Variants in OXCT1 observed in about 807,000 individuals in gnomAD.
The protein encoded by OXCT1 is 3-oxoacid CoA-transferase 1.
OXCT1 carries 27 observed loss-of-function variants against 69.6 expected under a neutral mutation model. The ratio of observed to expected loss-of-function variants is 0.39; its 90% CI spans 0.29 to 0.54. OXCT1 has a LOEUF of 0.54. OXCT1 is among the 20% of genes least tolerant of loss of function. The pLI, the probability that OXCT1 is intolerant of heterozygous loss-of-function variation, is 0.72. For synonymous variants in OXCT1, 202 were observed against 217.8 expected, an observed-to-expected ratio of 0.93 and a Z score of 0.64; for missense variants, 437 against 650.2, an observed-to-expected ratio of 0.67 and a Z score of 3.57.
At chr5:41,761,916 C>T (rs1744368820) in intron 14 of OXCT1, among the ~76,000 whole-genome samples, 195 bp downstream of exon 14, 1 of 152,150 alleles carries the variant, frequency 6.6e-6, no homozygotes, top group African/African-American at 2.4e-5. Context: ...TGTTTGGTTT[C>T]ACTCAAAGTT....
chr5:41,744,115 T>C (rs1743344053), intron 15 of OXCT1, among the ~76,000 whole-genome samples: 1 of 152,212 alleles, frequency 6.6e-6, no homozygotes, highest in Non-Finnish European at 1.5e-5. Context: ...CCCATGAGCA[T>C]GGAATGTTCT....
At chr5:41,840,048 G>A (rs980097285) in intron 7 of OXCT1, among the ~76,000 whole-genome samples, 5 of 152,178 alleles carry the variant, frequency 3.3e-5, no homozygotes, top group Non-Finnish European at 4.4e-5. Context: ...AGTTATATGT[G>A]CAATGCTCTT....
intron 7 of OXCT1, among the ~76,000 whole-genome samples, chr5:41,820,961 C>A (rs1167484857): frequency 6.6e-6 from 1 of 152,160 alleles, no homozygotes; most frequent in African/African-American, 2.4e-5. Flanking sequence ...CTAAATTGGG[C>A]ACTCACTGCT....
intron 7 of OXCT1, among the ~76,000 whole-genome samples, chr5:41,837,944 A>AT: frequency 6.6e-6 from 1 of 152,360 alleles, no homozygotes; most frequent in African/African-American, 2.4e-5. Context: ...AATAATGCAC[A>AT]TAAGGAATAC....
At chr5:41,769,359 C>G (rs1364602209) in intron 13 of OXCT1, among the ~76,000 whole-genome samples, 4 of 152,146 alleles carry the variant, frequency 2.6e-5, no homozygotes, top group Middle Eastern at 6.8e-3. Context: ...CACATCTGTT[C>G]TCAAATCTGT....
At chr5:41,779,893 T>C (rs1001486174) in intron 13 of OXCT1, among the ~76,000 whole-genome samples, 8 of 152,102 alleles carry the variant, frequency 5.3e-5, no homozygotes, top group Non-Finnish European at 1.5e-5. Context: ...AAATAAGAAC[T>C]TTCTCAAAGA....
chr5:41,782,218 G>A (rs906536647), intron 13 of OXCT1, among the ~76,000 whole-genome samples: 4 of 149,826 alleles, frequency 2.7e-5, no homozygotes, highest in African/African-American at 9.8e-5. Flanking sequence ...GTGATGTTGA[G>A]CTTTTTTTTT....
At chr5:41,822,999 T>C (rs1195636097) in intron 7 of OXCT1, among the ~76,000 whole-genome samples, 1 of 152,220 alleles carries the variant, frequency 6.6e-6, no homozygotes, top group Non-Finnish European at 1.5e-5. Flanking sequence ...TCTTTATTCT[T>C]TTTGCTCTCC....
intron 7 of OXCT1, among the ~76,000 whole-genome samples, chr5:41,811,004 C>T (rs1746954286): frequency 6.7e-6 from 1 of 149,448 alleles, no homozygotes. Flanking sequence ...ACTTCTTTTG[C>T]CAAAAAGAAA....
Position 41,747,948 on chromosome 5 carries a change from C to A in OXCT1, c.1419+1579G>T, listed in dbSNP as rs867220296. 5.5e-4 allele frequency among the ~76,000 whole-genome samples: 83 copies of A among 152,150 alleles called. No individual in the cohort carries two copies. The Middle Eastern group carries it at 0.01, about 19-fold the overall frequency. On this transcript the variant is annotated intron_variant, in intron 15 of 16. Coordinates refer to ENST00000196371, the MANE Select transcript of OXCT1 (RefSeq NM_000436.4). ...TTTATCATGTCAATTACTCTGACTG[C>A]TGGAAAGGCTGGATGTTTGGTGTCT...
At chr5:41,743,642 G>A (rs1183955887) in intron 15 of OXCT1, among the ~76,000 whole-genome samples, 2 of 152,160 alleles carry the variant, frequency 1.3e-5, no homozygotes, top group African/African-American at 4.8e-5. Context: ...AATCCATCTT[G>A]AATTAATTTT....
At chr5:41,847,831 T>C (rs1287933067) in intron 5 of OXCT1, among the ~76,000 whole-genome samples, 1 of 150,132 alleles carries the variant, frequency 6.7e-6, no homozygotes, top group Non-Finnish European at 1.5e-5. Flanking sequence ...TCATACTGAA[T>C]GGGCAAAAAC....
chr5:41,753,488 A>G (rs1379609078), intron 14 of OXCT1, among the ~76,000 whole-genome samples: 2 of 152,114 alleles, frequency 1.3e-5, no homozygotes, highest in Non-Finnish European at 2.9e-5. Flanking sequence ...TGGAACACAT[A>G]CCACCACATA....
chr5:41,853,223 T>C (rs988965158), intron 4 of OXCT1, among the ~76,000 whole-genome samples, 196 bp downstream of exon 4: 5 of 152,186 alleles, frequency 3.3e-5, no homozygotes, highest in South Asian at 2.1e-4. Flanking sequence ...TTTAGAAATA[T>C]CTCTTTTTTC....
intron 14 of OXCT1, among the ~76,000 whole-genome samples, chr5:41,759,043 C>T (rs1055220553): frequency 2.0e-5 from 3 of 148,608 alleles, no homozygotes; most frequent in Non-Finnish European, 4.4e-5. Context: ...AAACATATTG[C>T]TGATGTAAGT....
At chr5:41,754,901 A>G (rs1416163694) in intron 14 of OXCT1, among the ~76,000 whole-genome samples, 1 of 152,014 alleles carries the variant, frequency 6.6e-6, no homozygotes, top group Non-Finnish European at 1.5e-5. Context: ...TGCCTGAAAA[A>G]CGGTCTTCAG....
chr5:41,753,165 A>T (rs1743879073), intron 14 of OXCT1, among the ~76,000 whole-genome samples: 1 of 152,090 alleles, frequency 6.6e-6, no homozygotes. Flanking sequence ...GATTTCTTGC[A>T]TTTCATGTCA....
intron 13 of OXCT1, among the ~76,000 whole-genome samples, chr5:41,767,843 G>T (rs1744689583): frequency 1.3e-5 from 2 of 150,028 alleles, no homozygotes; most frequent in Non-Finnish European, 3.0e-5. Context: ...CCACTTAGGG[G>T]CTTCTATGGT....
chr5:41,738,152 T>G (rs1236158495), intron 16 of OXCT1, among the ~76,000 whole-genome samples: 1 of 152,256 alleles, frequency 6.6e-6, no homozygotes, highest in African/African-American at 2.4e-5. Context: ...CAAATAACTT[T>G]TGTTAAATTA....
Sources: allele counts gnomAD v4.1 joint callset (sites outside exome capture counted in the v4.1 genomes callset), GRCh38; gene constraint gnomAD v4.1.1; transcripts MANE v1.5; gene names NCBI Gene and HGNC (gene_info 2026-07-23, HGNC 2026-07-21).